HRNR: variants seen among roughly 807,000 people sequenced by gnomAD.
The protein encoded by HRNR is filaggrin family member 3.
Under a neutral mutation model 4.8 loss-of-function variants are expected in HRNR, and 7 were observed. The ratio of observed to expected loss-of-function variants is 1.47; its 90% CI spans 0.83 to 2.75. The LOEUF is 2.75. HRNR is among the 30% of genes most tolerant of loss of function. HRNR has a pLI of 0.00. For synonymous variants in HRNR, 1,023 were observed against 1,242.7 expected (o/e 0.82, Z 3.72); for missense variants, 2,879 against 3,010.4 (o/e 0.96, Z 1.02).
In HRNR at chr1:152,219,789, C is replaced by T; in HGVS notation, c.1840G>A (p.Gly614Ser). ...CTCGATGACTGTCCTGATGTAGAAC[C>T]ATGTTGCCCATGGGTAGAGGAATGA... ...SGHSSTHGQHGSTSGQSSSCG... is the reference protein window; with the variant it reads ...SGHSSTHGQHSSTSGQSSSCG... Residue 614 changes from glycine to serine, a missense_variant, in exon 3 of 3, where the codon GGT becomes AGT. Gly to Ser is a moderately conservative substitution (Grantham distance 56). Around this residue, in one of 8 missense-constraint regions of HRNR, gnomAD observed 2,646 missense variants for 1,377.7 expected, o/e 1.92. Transcript: ENST00000368801. The T allele has an allele frequency of 6.2e-7, 1 of 1,612,286 alleles. No individual in the cohort carries two copies. Among genetic ancestry groups the T allele is most frequent in the African/African-American group, 1.3e-5 (1 of 74,944 alleles).
chr1:152,222,805 A>T (rs1410308603), intron 2 of HRNR, among the ~76,000 whole-genome samples: 2 of 152,182 alleles, frequency 1.3e-5, no homozygotes, highest in Non-Finnish European at 2.9e-5. Context: ...GTAAATGCCA[A>T]TTTCCTGAAC....
chr1:152,219,378 T>C lies in HRNR; in HGVS notation c.2251A>G (p.Ser751Gly). The C allele has an allele frequency of 6.2e-7, 1 of 1,613,994 alleles. No homozygotes were observed. Among genetic ancestry groups the C allele is most frequent in the Non-Finnish European group, 8.5e-7 (1 of 1,179,996 alleles). Reference sequence around the variant, plus strand: ...GAGCCCGACCCATGCTGACCATAGCTGGAAGACAAACCTGAGCTAGATCCG... The same window carrying C: ...GAGCCCGACCCATGCTGACCATAGCCGGAAGACAAACCTGAGCTAGATCCG... ...QHGSSSGLSS[S>G]YGQHGSGSHQ... Residue 751 changes from serine (S) to glycine (G), a missense_variant, in exon 3 of 3, where the codon AGC becomes GGC. Around this residue, in one of 8 missense-constraint regions of HRNR, gnomAD observed 2,646 missense variants for 1,377.7 expected, o/e 1.92. Transcript: ENST00000368801.
At position 152,214,398 on chromosome 1, in the gene HRNR, AC is replaced by A; in HGVS notation, c.7230del (p.Ser2411LeufsTer50). On this transcript the variant is annotated frameshift_variant, in exon 3 of 3. Transcript: ENST00000368801. LOFTEE classifies it low-confidence loss of function (END_TRUNC). Reference protein sequence around the residue: ...SRQSLGHGQHGSGSGQSPSPS... With the variant: ...SRQSLGHGQHXSGSGQSPSPS... ...GGGCTAGGAGACTGGCCAGATCCAG[AC>A]CCATGTTGGCCGTGGCCCAAAGACT... 6.4e-7 allele frequency: 1 copy of A among 1,553,638 alleles called. No individual in the cohort carries two copies. Among genetic ancestry groups the A allele is most frequent in the Non-Finnish European group, 8.8e-7 (1 of 1,132,962 alleles).
Position 152,220,900 on chromosome 1 carries a change from A to T in HRNR, c.729T>A (p.Gly243=). 6.2e-7 allele frequency: 1 copy of T among 1,612,744 alleles called. No individual in the cohort carries two copies. The change falls in exon 3 of 3, where the codon GGT becomes GGA. Residue 243 remains glycine (G), a synonymous_variant. Transcript: ENST00000368801. Reference sequence around the variant, plus strand: ...CTGAGCCAGATCCATGCTGACTGTAACCAGAGGACTGCCCTGAGCTAGACT... The same window carrying T: ...CTGAGCCAGATCCATGCTGACTGTATCCAGAGGACTGCCCTGAGCTAGACT... ...QHKSSSGQSS[G]YSQHGSGSGH...
In HRNR at chr1:152,212,951, G is replaced by GA. The variant is rs1382936945; in HGVS notation, c.*124dup. ...GTTTTAGGCTCTAAAGAAAGAGACA[G>GA]AAATGCATTGATTCACTTTTAGAAC... On this transcript the variant is annotated 3_prime_UTR_variant, in exon 3 of 3. Coordinates refer to ENST00000368801, the MANE Select transcript of HRNR (RefSeq NM_001009931.3). The GA allele has an allele frequency of 7.7e-7, 1 of 1,293,640 alleles. No individual in the cohort carries two copies. The highest frequency in any genetic ancestry group is 1.1e-6 in the Non-Finnish European group (1 of 949,648). The allele number at this position is 1,293,640 out of a possible 1,614,324, so 80.1% of individuals were successfully genotyped here. A position where few individuals can be genotyped will look rare whatever the true frequency, so the allele number is the denominator to read the frequency against.
At chr1:152,223,379 C>A in intron 1 of HRNR, 101 bp from the exon 2 acceptor site, 1 of 60,022 alleles carries the variant, frequency 1.7e-5, no homozygotes, top group Middle Eastern at 3.6e-3. Context: ...CAGAATTAGT[C>A]AGTCATGATT....
At position 152,219,959 on chromosome 1, in the gene HRNR, C is replaced by T; in HGVS notation, c.1670G>A (p.Ser557Asn). 4 of 1,613,792 alleles carry T rather than the reference C, an allele frequency of 2.5e-6. No individual in the cohort carries two copies. Among genetic ancestry groups the T allele is most frequent in the East Asian group, 2.2e-5 (1 of 44,848 alleles). ...RHESGSRQSSSYGPHGYGSGR... is the reference protein window; with the variant it reads ...RHESGSRQSSNYGPHGYGSGR... ...TGAGCCATACCCATGTGGGCCATAG[C>T]TGGAAGACTGCCTGGAACCAGACTC... The change falls in exon 3 of 3, where the codon AGC (serine) becomes AAC (asparagine). Residue 557 changes from serine to asparagine, a missense_variant. Around this residue, in one of 8 missense-constraint regions of HRNR, gnomAD observed 2,646 missense variants for 1,377.7 expected, o/e 1.92. Coordinates refer to ENST00000368801, the MANE Select transcript of HRNR (RefSeq NM_001009931.3).
intron 2 of HRNR, among the ~76,000 whole-genome samples, chr1:152,222,484 A>T (rs1189013225): frequency 6.6e-6 from 1 of 152,110 alleles, no homozygotes. Flanking sequence ...GTTTTGAGAG[A>T]TTATTGATGA....
In HRNR at chr1:152,213,004, C is replaced by A; in HGVS notation, c.*72G>T. 3 of 1,537,642 alleles carry A rather than the reference C, an allele frequency of 2.0e-6. No homozygotes were observed. Among genetic ancestry groups the A allele is most frequent in the Non-Finnish European group, 2.6e-6 (3 of 1,143,914 alleles). On this transcript the variant is annotated 3_prime_UTR_variant, in exon 3 of 3. Transcript: ENST00000368801. Reference sequence around the variant, plus strand: ...ATTTCATGATGGATTGCTTGTCTTTCATGATGAATTCATAGATGACTTTCC... The same window carrying A: ...ATTTCATGATGGATTGCTTGTCTTTAATGATGAATTCATAGATGACTTTCC...
At position 152,212,733 on chromosome 1, in the gene HRNR, C is replaced by T. The variant is rs1176457004; in HGVS notation, c.*343G>A. 2 of 311,008 alleles carry T rather than the reference C, an allele frequency of 6.4e-6. No homozygotes were observed. Among genetic ancestry groups the T allele is most frequent in the African/African-American group, 2.2e-5 (1 of 45,732 alleles). 19.3% of individuals were successfully genotyped at this position (311,008 alleles called of 1,614,324 possible). On this transcript the variant is annotated 3_prime_UTR_variant, in exon 3 of 3. Transcript: ENST00000368801. ...CTAAGAAATGTAAGGTTAGCTTTGG[C>T]ACCATCTATAAATGAATGATGAGCT...
rs1247871684 is a variant in HRNR at position 152,221,417 on chromosome 1, A to C, written c.212T>G (p.Phe71Cys). ...LDRDHNKKVD[F>C]TEYLLMIFKL... ...GAATATCATCAGAAGATACTCAGTA[A>C]AATCCACTTTCTTGTTATGGTCTCG... Residue 71 changes from phenylalanine to cysteine, a missense_variant, in exon 3 of 3, where the codon TTT (phenylalanine) becomes TGT (cysteine). This residue lies in a region of HRNR where 2,646 missense variants were observed against 1,377.7 expected (regional missense o/e 1.92). Transcript: ENST00000368801. 1.9e-6 allele frequency: 3 copies of C among 1,613,592 alleles called. No individual in the cohort carries two copies. The Admixed American group carries it at 5.0e-5, about 27-fold the overall frequency.
rs780132656 is a variant in HRNR at position 152,213,112 on chromosome 1, T to C, written c.8517A>G (p.Glu2839=). The change falls in exon 3 of 3, where the codon GAA becomes GAG. Residue 2839 remains glutamate (E), a synonymous_variant. Coordinates refer to ENST00000368801, the MANE Select transcript of HRNR (RefSeq NM_001009931.3). The part of the protein sequence containing the change: ...LSFPSSTSPY[E]YVQEQRCYFY... ...AGTAGCACCTCTGCTCTTGGACATA[T>C]TCATAGGGTGAAGTGCTACTAGGAA... 1.3e-5 allele frequency: 21 copies of C among 1,613,814 alleles called. No homozygotes were observed. The highest frequency in any genetic ancestry group is 1.3e-5 in the African/African-American group (1 of 74,946).
Position 152,218,714 on chromosome 1 carries a change from T to G in HRNR, c.2915A>C (p.Gln972Pro), listed in dbSNP as rs551048516. Residue 972 changes from glutamine (Q) to proline (P), a missense_variant, in exon 3 of 3, where the codon CAA becomes CCA. Gln to Pro is a moderately conservative substitution (Grantham distance 76). Transcript: ENST00000368801. ...AGACGAACCTGAGCTAGATCCATGT[T>G]GTTCGCTCCTAGATGACTGTCCTGA... ...SRSGQSSRSEQHGSSSGSSSS... is the reference protein window; with the variant it reads ...SRSGQSSRSEPHGSSSGSSSS... The G allele has an allele frequency of 1.2e-6, 2 of 1,613,610 alleles. No individual in the cohort carries two copies. Among genetic ancestry groups the G allele is most frequent in the South Asian group, 1.1e-5 (1 of 91,026 alleles).
intron 2 of HRNR, 59 bp downstream of exon 2, chr1:152,223,057 G>T: frequency 2.0e-6 from 3 of 1,530,372 alleles, no homozygotes; most frequent in Non-Finnish European, 9.0e-7. Context: ...TGACAAGAAG[G>T]TGGAAAGGGA....
chr1:152,219,428 C>T lies in HRNR; in HGVS notation c.2201G>A (p.Gly734Glu). Residue 734 changes from glycine (G) to glutamate (E), a missense_variant, in exon 3 of 3, where the codon GGA becomes GAA. By Grantham distance (98) the Gly-to-Glu change is moderately conservative (BLOSUM62 -2). This residue lies in a region of HRNR where 2,646 missense variants were observed against 1,377.7 expected (regional missense o/e 1.92). Coordinates refer to ENST00000368801, the MANE Select transcript of HRNR (RefSeq NM_001009931.3). ...SGYRKHGSRSGQSSRSEQHGS... is the reference protein window; with the variant it reads ...SGYRKHGSRSEQSSRSEQHGS... ...GTGTTGTTCACTCCTAGATGACTGT[C>T]CTGACCTAGAGCCGTGTTTTCTGTA... 6.2e-7 allele frequency: 1 copy of T among 1,614,084 alleles called. No individual in the cohort carries two copies. Among genetic ancestry groups the T allele is most frequent in the South Asian group, 1.1e-5 (1 of 91,084 alleles).
Position 152,212,834 on chromosome 1 carries a change from C to A in HRNR, c.*242G>T. ...TATTCCTCAAAGTTTAACCCTCATT[C>A]TAACAAGTTATTCCACTCAGTATTT... is the stretch of plus-strand genomic sequence containing the variant. On this transcript the variant is annotated 3_prime_UTR_variant, in exon 3 of 3. Coordinates refer to ENST00000368801, the MANE Select transcript of HRNR (RefSeq NM_001009931.3). 2 of 575,098 alleles carry A rather than the reference C, an allele frequency of 3.5e-6. No individual in the cohort carries two copies. Among genetic ancestry groups the A allele is most frequent in the South Asian group, 2.4e-5 (1 of 42,220 alleles). 35.6% of individuals were successfully genotyped at this position (575,098 alleles called of 1,614,324 possible). A position where few individuals can be genotyped will look rare whatever the true frequency, so the allele number is the denominator to read the frequency against.
chr1:152,218,564 G>T lies in HRNR; in HGVS notation c.3065C>A (p.Ser1022Tyr), dbSNP rs1428967194. 9 of 1,613,880 alleles carry T rather than the reference G, an allele frequency of 5.6e-6. No individual in the cohort carries two copies. Among genetic ancestry groups the T allele is most frequent in the Non-Finnish European group, 6.8e-6 (8 of 1,179,954 alleles). Residue 1022 changes from serine (S) to tyrosine (Y), a missense_variant, in exon 3 of 3, where the codon TCC becomes TAC. Coordinates refer to ENST00000368801, the MANE Select transcript of HRNR (RefSeq NM_001009931.3). ...GRHGSGSGQS[S>Y]SYGPYRSGSG... is the part of the protein sequence containing the mutation. ...GCCAGACCTATATGGGCCATAGCTGGAAGACTGCCCGGAACCAGACCCATG... is the reference window on the plus strand; with the variant it reads ...GCCAGACCTATATGGGCCATAGCTGTAAGACTGCCCGGAACCAGACCCATG...
Position 152,218,548 on chromosome 1 carries a change from A to T in HRNR, c.3081T>A (p.Tyr1027Ter), listed in dbSNP as rs147939633. 1.2e-6 allele frequency: 2 copies of T among 1,613,890 alleles called. No homozygotes were observed. Among genetic ancestry groups the T allele is most frequent in the East Asian group, 2.2e-5 (1 of 44,818 alleles). Reference protein sequence around the residue: ...GSGQSSSYGPYRSGSGWSSSR... With the variant: ...GSGQSSSYGP ...TTGAAGACCACCCTGAGCCAGACCT[A>T]TATGGGCCATAGCTGGAAGACTGCC... Residue 1027 changes from tyrosine to a stop codon, truncating the protein, a stop_gained, in exon 3 of 3, where the codon TAT becomes TAA. Coordinates refer to ENST00000368801, the MANE Select transcript of HRNR (RefSeq NM_001009931.3). LOFTEE classifies it low-confidence loss of function (END_TRUNC).
rs1410596956 is a variant in HRNR at position 152,220,589 on chromosome 1, C to T, written c.1040G>A (p.Gly347Asp). 2.5e-6 allele frequency: 4 copies of T among 1,608,170 alleles called. No individual in the cohort carries two copies. Among genetic ancestry groups the T allele is most frequent in the South Asian group, 1.1e-5 (1 of 90,560 alleles). ...HYESGSGQTS[G>D]FGQHESGSGQ... ...TGAGCCAGACTCATGTTGCCCAAAG[C>T]CAGAAGTCTGGCCTGAGCCAGACTC... The change falls in exon 3 of 3, where the codon GGC becomes GAC. Residue 347 changes from glycine to aspartate, a missense_variant. This residue lies in a region of HRNR where 2,646 missense variants were observed against 1,377.7 expected (regional missense o/e 1.92). Coordinates refer to ENST00000368801, the MANE Select transcript of HRNR (RefSeq NM_001009931.3).
Sources: allele counts gnomAD v4.1 joint callset (sites outside exome capture counted in the v4.1 genomes callset), GRCh38; gene constraint gnomAD v4.1.1; regional missense constraint gnomAD v4.1.1; transcripts MANE v1.5; gene names NCBI Gene and HGNC (gene_info 2026-07-23, HGNC 2026-07-21).